Variants in RANBP2 observed in about 807,000 individuals in gnomAD.
The protein encoded by RANBP2 is E3 SUMO-protein ligase RanBP2.
In RANBP2, 57 loss-of-function variants were observed where a neutral mutation model predicts 303.6. That is an observed-to-expected ratio of 0.19 (90% CI 0.15 to 0.23). The LOEUF (loss-of-function observed/expected upper bound fraction) is 0.23, where lower values mean the gene tolerates loss of function less well. RANBP2 is among the 10% of genes least tolerant of loss of function. The pLI is 1.00. For missense variants in RANBP2, 3,138 were observed against 3,780.8 expected, an observed-to-expected ratio of 0.83 and a Z score of 4.46; for synonymous variants, 1,167 against 1,301.5, an observed-to-expected ratio of 0.90 and a Z score of 2.23.
the RANBP2 span, among the ~76,000 whole-genome samples, chr2:109,298,699 C>T: frequency 1.1e-4 from 16 of 152,068 alleles, 1 homozygote; most frequent in East Asian, 3.9e-4. Context: ...GGTCCAGGTC[C>T]GTTTCCCCAC....
the RANBP2 span, chr2:109,437,183 C>T: frequency 6.4e-7 from 1 of 1,572,282 alleles, no homozygotes; most frequent in East Asian, 2.3e-5. Context: ...AGGGCATCAA[C>T]AAGGGGGCTT....
the RANBP2 span, among the ~76,000 whole-genome samples, chr2:109,713,168 G>T: frequency 1.1e-4 from 16 of 152,150 alleles, no homozygotes; most frequent in Non-Finnish European, 2.4e-4. Context: ...TCCAGAGCAG[G>T]GTTCCTGGAA....
At chr2:109,042,985 G>A in the RANBP2 span, among the ~76,000 whole-genome samples, 2 of 152,160 alleles carry the variant, frequency 1.3e-5, no homozygotes, top group Non-Finnish European at 2.9e-5. Flanking sequence ...TAACTGTCCC[G>A]AATTCTGTGG....
At chr2:108,988,646 G>T in the RANBP2 span, among the ~76,000 whole-genome samples, 497 of 152,240 alleles carry the variant, frequency 3.3e-3, 2 homozygotes, top group African/African-American at 0.011. Context: ...TACTTTTCAC[G>T]CTCCCTGGAG....
chr2:109,005,339 T>C, the RANBP2 span, among the ~76,000 whole-genome samples: 1 of 152,170 alleles, frequency 6.6e-6, no homozygotes, highest in Non-Finnish European at 1.5e-5. Flanking sequence ...GAAGGTCAAG[T>C]CCAAATTCCT....
At chr2:109,478,043 C>T in the RANBP2 span, among the ~76,000 whole-genome samples, 1 of 152,214 alleles carries the variant, frequency 6.6e-6, no homozygotes, top group Non-Finnish European at 1.5e-5. Context: ...CTGAGAGAGA[C>T]CCTGGGGAGG....
chr2:109,077,883 A>G, the RANBP2 span, among the ~76,000 whole-genome samples: 6 of 149,124 alleles, frequency 4.0e-5, 1 homozygote, highest in Non-Finnish European at 9.0e-5. Context: ...CGTACCTATT[A>G]TGGAAAACAG....
chr2:109,236,088 A>G, the RANBP2 span, among the ~76,000 whole-genome samples: 5 of 152,162 alleles, frequency 3.3e-5, no homozygotes, highest in African/African-American at 1.2e-4. Context: ...CTATTATAAT[A>G]TGCATGAAGC....
Position 108,784,014 on chromosome 2 carries a change from A to T in RANBP2, c.*113A>T. ...TGAAAATGGACGTTTCCGATTTACA[A>T]ATGTAAAATTGCAGCTTATAGCTGT... On this transcript the variant is annotated 3_prime_UTR_variant, in exon 29 of 29. Coordinates refer to ENST00000283195, the MANE Select transcript of RANBP2 (RefSeq NM_006267.5). 1 of 1,044,194 alleles carries T rather than the reference A, an allele frequency of 9.6e-7. No individual in the cohort carries two copies. 64.7% of individuals were successfully genotyped at this position (1,044,194 alleles called of 1,614,324 possible). A position where few individuals can be genotyped will look rare whatever the true frequency, so the allele number is the denominator to read the frequency against.
the RANBP2 span, among the ~76,000 whole-genome samples, chr2:109,648,490 T>C: frequency 3.3e-5 from 5 of 151,348 alleles, no homozygotes; most frequent in Admixed American, 6.6e-5. Flanking sequence ...AATACAGGCA[T>C]ATGTCATGAT....
At chr2:109,646,964 T>G in the RANBP2 span, among the ~76,000 whole-genome samples, 1 of 152,100 alleles carries the variant, frequency 6.6e-6, no homozygotes, top group Non-Finnish European at 1.5e-5. Flanking sequence ...ATTTTCAGTA[T>G]TTTTTCACTA....
At chr2:109,491,707 C>G in the RANBP2 span, among the ~76,000 whole-genome samples, 1 of 152,168 alleles carries the variant, frequency 6.6e-6, no homozygotes, top group Non-Finnish European at 1.5e-5. Context: ...CAGAGAGATA[C>G]GATGGCTGTC....
chr2:109,525,676 C>T, the RANBP2 span, among the ~76,000 whole-genome samples: 4 of 152,148 alleles, frequency 2.6e-5, no homozygotes, highest in Admixed American at 6.5e-5. Context: ...ACAACCTGCT[C>T]GGTGCCCATT....
chr2:109,684,538 C>CTTTT, the RANBP2 span, among the ~76,000 whole-genome samples: 10 of 135,836 alleles, frequency 7.4e-5, no homozygotes, highest in Middle Eastern at 3.8e-3. Context: ...TGCACCCGGG[C>CTTTT]TTTTTTTTTT....
the RANBP2 span, chr2:109,585,690 A>G: frequency 7.0e-7 from 1 of 1,435,190 alleles, no homozygotes; most frequent in Non-Finnish European, 9.8e-7. Context: ...ATATGAAGGA[A>G]CAACTTAGAG....
chr2:109,093,623 A>T, the RANBP2 span, among the ~76,000 whole-genome samples: 1 of 151,130 alleles, frequency 6.6e-6, no homozygotes, highest in Non-Finnish European at 1.5e-5. Flanking sequence ...ATTTAAAAAG[A>T]TTTTTTTTTA....
At chr2:109,721,777 C>A in the RANBP2 span, among the ~76,000 whole-genome samples, 4 of 152,232 alleles carry the variant, frequency 2.6e-5, no homozygotes, top group Admixed American at 2.6e-4. Context: ...TCAGAGGGAA[C>A]ACCATAGCCC....
chr2:109,706,960 C>T, the RANBP2 span, among the ~76,000 whole-genome samples: 3 of 152,124 alleles, frequency 2.0e-5, no homozygotes, highest in African/African-American at 7.2e-5. Flanking sequence ...CAAGTAATGC[C>T]ATCACAGACA....
chr2:108,927,150 C>T, the RANBP2 span, among the ~76,000 whole-genome samples: 1 of 152,188 alleles, frequency 6.6e-6, no homozygotes, highest in African/African-American at 2.4e-5. Flanking sequence ...TGCACCCCTG[C>T]GGAGCAGTGC....
Sources: gnomAD v4.1 joint callset for allele counts (sites outside exome capture counted in the v4.1 genomes callset) on GRCh38, gnomAD v4.1.1 for gene constraint, MANE v1.5 for transcripts, NCBI Gene and HGNC (gene_info 2026-07-23, HGNC 2026-07-21) for gene names.